The following SPAG17 variants were observed in gnomAD, a reference collection of about 807,000 sequenced individuals.
SPAG17 encodes sperm associated antigen 17, also known as sperm-associated antigen 17.
SPAG17 carries 169 observed loss-of-function variants against 273.6 expected under a neutral mutation model. That is an observed-to-expected ratio of 0.62 (90% CI 0.55 to 0.70). SPAG17 has a LOEUF of 0.70. Among genes scored for constraint, SPAG17 ranks in the 30% least tolerant of loss-of-function variants. The pLI, the probability that SPAG17 is intolerant of heterozygous loss-of-function variation, is 0.00. For missense variants in SPAG17, 2,557 were observed against 2,627.8 expected, an observed-to-expected ratio of 0.97 and a Z score of 0.59; for synonymous variants, 825 against 873.2, an observed-to-expected ratio of 0.94 and a Z score of 0.97.
chr1:118,006,978 T>C (rs1658961775), intron 31 of SPAG17, among the ~76,000 whole-genome samples: 1 of 152,156 alleles, frequency 6.6e-6, no homozygotes, highest in African/African-American at 2.4e-5. Flanking sequence ...GTTATGAGAG[T>C]TCTAAGTTGT....
chr1:118,017,748 T>C (rs1003929874), intron 28 of SPAG17, among the ~76,000 whole-genome samples: 1 of 152,160 alleles, frequency 6.6e-6, no homozygotes, highest in Non-Finnish European at 1.5e-5. Flanking sequence ...GGAACAAATT[T>C]GGATATGAAA....
rs1422587966 is a variant in SPAG17 at position 118,092,007 on chromosome 1, A to C, written c.1174-5T>G. ...TGGTACAGCAGGTTGTGGAGCCTAG[A>C]AAAAGAATAATTAAAAAGAAACAAC... On this transcript the variant is annotated splice_polypyrimidine_tract_variant and splice_region_variant and intron_variant, in intron 8 of 48. Transcript: ENST00000336338. 10 of 1,612,996 alleles carry C rather than the reference A, an allele frequency of 6.2e-6. No homozygotes were observed. The highest frequency in any genetic ancestry group is 6.8e-6 in the Non-Finnish European group (8 of 1,179,228).
intron 3 of SPAG17, among the ~76,000 whole-genome samples, chr1:118,119,288 C>T (rs1230072681): frequency 6.6e-6 from 1 of 152,186 alleles, no homozygotes; most frequent in African/African-American, 2.4e-5. Context: ...TAACCTGCTG[C>T]ATATTCAATC....
At chr1:117,982,507 C>G (rs990791220) in intron 42 of SPAG17, among the ~76,000 whole-genome samples, 2 of 152,190 alleles carry the variant, frequency 1.3e-5, no homozygotes, top group Non-Finnish European at 2.9e-5. Flanking sequence ...TCCTAAAGTG[C>G]TGGGATTACA....
chr1:118,103,828 CA>C (rs1313055349), intron 4 of SPAG17, among the ~76,000 whole-genome samples: 2 of 56,270 alleles, frequency 3.6e-5, no homozygotes, highest in Non-Finnish European at 8.0e-5. Context: ...ACATGAGAAG[CA>C]GGGAAAATGT....
intron 1 of SPAG17, among the ~76,000 whole-genome samples, chr1:118,154,752 A>G (rs1170643882): frequency 1.3e-5 from 2 of 152,150 alleles, no homozygotes; most frequent in Admixed American, 1.3e-4. Flanking sequence ...TTTAGTATGG[A>G]GAAAACAAGG....
At chr1:117,977,607 A>G (rs1655281461) in intron 43 of SPAG17, among the ~76,000 whole-genome samples, 2 of 152,154 alleles carry the variant, frequency 1.3e-5, no homozygotes, top group Admixed American at 1.3e-4. Flanking sequence ...GCTTTGTGTT[A>G]ATTCCTTCCT....
At chr1:117,956,737 A>G (rs1652254246) in intron 48 of SPAG17, among the ~76,000 whole-genome samples, 1 of 152,212 alleles carries the variant, frequency 6.6e-6, no homozygotes, top group African/African-American at 2.4e-5. Context: ...AGTCATCATA[A>G]TAGACTCTAA....
chr1:117,955,265 G>A, intron 48 of SPAG17: 1 of 1,533,804 alleles, frequency 6.5e-7, no homozygotes, highest in Non-Finnish European at 8.9e-7. Context: ...GAGAACTTTA[G>A]TAGAAACCAA....
chr1:117,959,706 G>C, intron 48 of SPAG17: 1 of 300,020 alleles, frequency 3.3e-6, no homozygotes, highest in South Asian at 1.3e-4. Flanking sequence ...TGCAGCTCAA[G>C]CTTGTTGTTC....
At chr1:118,012,443 T>C in intron 29 of SPAG17, 71 bp from the exon 30 acceptor site, 3 of 1,519,120 alleles carry the variant, frequency 2.0e-6, no homozygotes, top group South Asian at 2.6e-5. Flanking sequence ...TTTTTATCCA[T>C]TGAATACGAA....
At chr1:117,966,542 C>T in intron 47 of SPAG17, 67 bp downstream of exon 47, 1 of 1,363,606 alleles carries the variant, frequency 7.3e-7, no homozygotes, top group Non-Finnish European at 9.7e-7. Context: ...TTTTGACTTC[C>T]ATGTTTTCCT....
At chr1:118,161,120 A>G (rs564745762) in intron 1 of SPAG17, among the ~76,000 whole-genome samples, 11 of 152,236 alleles carry the variant, frequency 7.2e-5, no homozygotes, top group Non-Finnish European at 1.3e-4. Context: ...AATGACTAAG[A>G]TGGGAGTGTG....
At chr1:118,141,435 G>C (rs1451506286) in intron 3 of SPAG17, among the ~76,000 whole-genome samples, 2 of 152,208 alleles carry the variant, frequency 1.3e-5, no homozygotes, top group Non-Finnish European at 1.5e-5. Context: ...TGTTGGGGGA[G>C]TTGCAAGTTA....
intron 1 of SPAG17, among the ~76,000 whole-genome samples, chr1:118,156,054 T>C (rs1659632747): frequency 6.6e-6 from 1 of 152,264 alleles, no homozygotes; most frequent in Admixed American, 6.5e-5. Context: ...GACCATGCTA[T>C]GCACTAATCT....
chr1:118,020,353 G>C (rs1188220866), intron 28 of SPAG17, among the ~76,000 whole-genome samples: 1 of 151,966 alleles, frequency 6.6e-6, no homozygotes, highest in Non-Finnish European at 1.5e-5. Context: ...AGAATTGCTT[G>C]AATGTGGGAA....
chr1:117,970,186 G>T, intron 45 of SPAG17, 70 bp from the exon 46 acceptor site: 2 of 1,467,696 alleles, frequency 1.4e-6, no homozygotes, highest in African/African-American at 1.4e-5. Context: ...AAGCTGGGAT[G>T]TTATAAAATA....
At chr1:118,036,325 T>C (rs1649068335) in intron 24 of SPAG17, among the ~76,000 whole-genome samples, 1 of 152,164 alleles carries the variant, frequency 6.6e-6, no homozygotes, top group Non-Finnish European at 1.5e-5. Flanking sequence ...CGTTCTATAA[T>C]AACAGGATTC....
At position 118,117,618 on chromosome 1, in the gene SPAG17, T is replaced by C. The variant is rs371121826; in HGVS notation, c.316-2177A>G. Among the ~76,000 whole-genome samples the C allele has an allele frequency of 3.3e-5, 5 of 152,294 alleles. No individual in the cohort carries two copies. The South Asian group carries it at 1.0e-3, about 32-fold the overall frequency. On this transcript the variant is annotated intron_variant, in intron 3 of 48. Coordinates refer to ENST00000336338, the MANE Select transcript of SPAG17 (RefSeq NM_206996.4). ...AGTTTGCCAGGCACACATGCTCTCATGACATACAGACACAGAGAGAGAGAG... is the reference window on the plus strand; with the variant it reads ...AGTTTGCCAGGCACACATGCTCTCACGACATACAGACACAGAGAGAGAGAG...
Sources: gnomAD v4.1 joint callset for allele counts (sites outside exome capture counted in the v4.1 genomes callset) on GRCh38, gnomAD v4.1.1 for gene constraint, MANE v1.5 for transcripts, NCBI Gene and HGNC (gene_info 2026-07-23, HGNC 2026-07-21) for gene names.